Variants in UBASH3A observed in about 807,000 individuals in gnomAD.
UBASH3A encodes ubiquitin associated and SH3 domain containing A.
In UBASH3A, 63 loss-of-function variants were observed where a neutral mutation model predicts 73.5. That is an observed-to-expected ratio of 0.86 (90% CI 0.70 to 1.06). The LOEUF is 1.06. Ranked by LOEUF, UBASH3A falls within the 50% of genes least tolerant of loss-of-function variation. The pLI, the probability that UBASH3A is intolerant of heterozygous loss-of-function variation, is 0.00. For missense variants in UBASH3A, 860 were observed against 859.0 expected (o/e 1.00, Z -0.02); for synonymous variants, 363 against 351.1 (o/e 1.03, Z -0.38).
intron 3 of UBASH3A, among the ~76,000 whole-genome samples, chr21:42,411,054 T>TAC (rs904978332): frequency 8.9e-6 from 1 of 112,656 alleles, no homozygotes; most frequent in African/African-American, 3.6e-5. Context: ...CACACACAGA[T>TAC]ACACACACAT....
chr21:42,442,388 C>G, intron 11 of UBASH3A, 64 bp from the exon 12 acceptor site: 4 of 1,548,254 alleles, frequency 2.6e-6, no homozygotes, highest in Non-Finnish European at 3.5e-6. Flanking sequence ...TAAAAGGAGA[C>G]TTATTTATGC....
Position 42,416,485 on chromosome 21 carries a change from G to T in UBASH3A, c.711G>T (p.Leu237Phe). 1 of 1,602,830 alleles carries T rather than the reference G, an allele frequency of 6.2e-7. No homozygotes were observed. The highest frequency in any genetic ancestry group is 8.5e-7 in the Non-Finnish European group (1 of 1,175,098). The change falls in exon 6 of 15, where the codon TTG (leucine) becomes TTT (phenylalanine). Residue 237 changes from leucine (L) to phenylalanine (F), a missense_variant. Physicochemically the swap from Leu to Phe is conservative, Grantham distance 22 (BLOSUM62 0). Transcript: ENST00000319294. ...KPCTKQLHLT[L>F]AHKFYPHHQR... ...GCACCAAACAGCTGCATCTGACCTT[G>T]GCCCACAAGTTCTACCCCCACCACC...
intron 10 of UBASH3A, among the ~76,000 whole-genome samples, chr21:42,436,062 T>C (rs1174603264): frequency 1.4e-5 from 2 of 143,968 alleles, no homozygotes; most frequent in East Asian, 4.1e-4. Context: ...GAGTCATAGA[T>C]TTATAGAGTT....
intron 13 of UBASH3A, among the ~76,000 whole-genome samples, chr21:42,443,939 C>T (rs2053798945): frequency 6.6e-6 from 1 of 152,188 alleles, no homozygotes; most frequent in African/African-American, 2.4e-5. Context: ...ACAAAAGAGA[C>T]AGAGAGAGAA....
chr21:42,440,154 C>T lies in UBASH3A; in HGVS notation c.1487-2298C>T, dbSNP rs747398246. ...CCAGGTGACAGGGTCCCGCGATGTC[C>T]GCCTCTCCCTGTTCCCATGCTCACA... On this transcript the variant is annotated intron_variant, in intron 11 of 14. Coordinates refer to ENST00000319294, the MANE Select transcript of UBASH3A (RefSeq NM_018961.4). Among the ~76,000 whole-genome samples, 84 of 152,214 alleles carry T rather than the reference C, an allele frequency of 5.5e-4. 1 individual carries two copies. Among genetic ancestry groups the T allele is most frequent in the Non-Finnish European group, 1.9e-4 (13 of 68,040 alleles).
intron 2 of UBASH3A, among the ~76,000 whole-genome samples, chr21:42,407,581 C>A (rs981172092): frequency 1.3e-5 from 2 of 152,200 alleles, no homozygotes; most frequent in African/African-American, 4.8e-5. Flanking sequence ...CACTAGTAAC[C>A]AGGGAGGTGG....
At chr21:42,424,575 T>A (rs1181843708) in intron 7 of UBASH3A, among the ~76,000 whole-genome samples, 2 of 151,994 alleles carry the variant, frequency 1.3e-5, no homozygotes, top group East Asian at 3.9e-4. Flanking sequence ...GGGGCTTGAG[T>A]GTGAGGGCTC....
intron 11 of UBASH3A, among the ~76,000 whole-genome samples, chr21:42,442,234 A>G (rs1250598870): frequency 6.6e-6 from 1 of 151,624 alleles, no homozygotes; most frequent in Admixed American, 6.6e-5. Context: ...GGGGGCCATC[A>G]CTCCTCTGAT....
chr21:42,442,844 T>C (rs879597204), intron 12 of UBASH3A, among the ~76,000 whole-genome samples: 21 of 152,122 alleles, frequency 1.4e-4, no homozygotes, highest in Non-Finnish European at 2.5e-4. Context: ...CTTGCTAAAC[T>C]GACCTAAATG....
intron 12 of UBASH3A, chr21:42,443,071 C>T: frequency 7.9e-7 from 1 of 1,263,330 alleles, no homozygotes; most frequent in Non-Finnish European, 1.0e-6. Context: ...CATTCTCCAC[C>T]CATGTCTGAC....
intron 8 of UBASH3A, among the ~76,000 whole-genome samples, chr21:42,428,960 G>T (rs568645288): frequency 2.0e-5 from 3 of 152,188 alleles, no homozygotes; most frequent in African/African-American, 7.2e-5. Context: ...TTAGGAAAGA[G>T]AGTTTCTGCA....
chr21:42,441,228 A>ACGC (rs2053734366), intron 11 of UBASH3A, among the ~76,000 whole-genome samples: 1 of 152,148 alleles, frequency 6.6e-6, no homozygotes, highest in Non-Finnish European at 1.5e-5. Context: ...ACTTTGTTTA[A>ACGC]ATTCAATGTC....
In UBASH3A at chr21:42,413,910, G is replaced by A. The variant is rs1429387213; in HGVS notation, c.667+387G>A. On this transcript the variant is annotated intron_variant, in intron 5 of 14. Coordinates refer to ENST00000319294, the MANE Select transcript of UBASH3A (RefSeq NM_018961.4). The surrounding 1 kb of genome is among the most constrained non-coding windows in gnomAD (Gnocchi z 4.5). ...GGCCTGGAGACCAAGGCTACCATTGGGGTTTAGTGGAAAGGATTGTGGACT... is the reference window on the plus strand; with the variant it reads ...GGCCTGGAGACCAAGGCTACCATTGAGGTTTAGTGGAAAGGATTGTGGACT... Among the ~76,000 whole-genome samples, 1 of 152,186 alleles carries A rather than the reference G, an allele frequency of 6.6e-6. No homozygotes were observed. The highest frequency in any genetic ancestry group is 1.5e-5 in the Non-Finnish European group (1 of 68,036).
intron 2 of UBASH3A, among the ~76,000 whole-genome samples, chr21:42,406,955 G>T (rs1361980004): frequency 6.6e-6 from 1 of 152,174 alleles, no homozygotes; most frequent in African/African-American, 2.4e-5. Flanking sequence ...GAGACTAGCG[G>T]CCACCATGCT....
rs370011081 is a variant in UBASH3A at position 42,424,210 on chromosome 21, A to G, written c.1047-2487A>G. On this transcript the variant is annotated intron_variant, in intron 7 of 14. Coordinates refer to ENST00000319294, the MANE Select transcript of UBASH3A (RefSeq NM_018961.4). ...CGATCCAAGCAGCAGAACCACTGGC[A>G]TTAGAGTGCCTGGAAACAGACCTGC... 2.0e-5 allele frequency among the ~76,000 whole-genome samples: 3 copies of G among 152,102 alleles called. 1 individual carries two copies. Among genetic ancestry groups the G allele is most frequent in the East Asian group, 1.9e-4 (1 of 5,156 alleles).
chr21:42,432,707 C>T (rs927620204), intron 9 of UBASH3A, among the ~76,000 whole-genome samples: 13 of 152,142 alleles, frequency 8.5e-5, no homozygotes, highest in East Asian at 3.9e-4. Context: ...CTAGGTTAGC[C>T]GAACCCTTTT....
rs1893592 is a variant in UBASH3A, at chr21:42,434,957, A to C, written c.1393+3A>C. 0.28 allele frequency: 444,434 copies of C among 1,613,522 alleles called. 64,482 individuals carry two copies. Among genetic ancestry groups the C allele is most frequent in the Admixed American group, 0.33 (19,587 of 59,962 alleles). On this transcript the variant is annotated splice_donor_region_variant and intron_variant, in intron 10 of 14. Transcript: ENST00000319294. ...CATTTTCCAGTCCAGAATTGCAGGT[A>C]TGTTTGAGGACTGTCTAGTAGGAAA...
chr21:42,440,652 G>A (rs753571928), intron 11 of UBASH3A, among the ~76,000 whole-genome samples: 7 of 152,316 alleles, frequency 4.6e-5, no homozygotes, highest in Admixed American at 1.3e-4. Context: ...CTAGCAGGCC[G>A]TGCGAGAGTC....
chr21:42,417,280 C>T (rs1187926212), intron 6 of UBASH3A, among the ~76,000 whole-genome samples: 3 of 151,628 alleles, frequency 2.0e-5, no homozygotes, highest in Non-Finnish European at 4.4e-5. Context: ...GAAAATTAGC[C>T]GGGCGTGATG....
Sources: allele counts gnomAD v4.1 joint callset (sites outside exome capture counted in the v4.1 genomes callset), GRCh38; gene constraint gnomAD v4.1.1; non-coding constraint Gnocchi (gnomAD v3.1); transcripts MANE v1.5; gene names NCBI Gene and HGNC (gene_info 2026-07-23, HGNC 2026-07-21).